Variants in GPATCH1 observed in about 807,000 individuals in gnomAD.
The protein encoded by GPATCH1 is G patch domain-containing protein 1.
A neutral mutation model predicts 114.9 loss-of-function variants in GPATCH1; 73 were observed. That is an observed-to-expected ratio of 0.64 (90% confidence interval 0.53 to 0.77). The LOEUF (loss-of-function observed/expected upper bound fraction) is 0.77. Ranked by LOEUF, GPATCH1 falls within the 30% of genes least tolerant of loss-of-function variation. The pLI, the probability that GPATCH1 is intolerant of heterozygous loss-of-function variation, is 0.00. For synonymous variants in GPATCH1, 391 were observed against 428.4 expected, an observed-to-expected ratio of 0.91 and a Z score of 1.08; for missense variants, 1,058 against 1,144.3, an observed-to-expected ratio of 0.92 and a Z score of 1.09.
At chr19:33,112,110 C>T (rs868196134) in intron 12 of GPATCH1, among the ~76,000 whole-genome samples, 10 of 152,110 alleles carry the variant, frequency 6.6e-5, no homozygotes, top group Middle Eastern at 3.4e-3. Context: ...GGATTACAGG[C>T]GCTCGCCACA....
intron 8 of GPATCH1, among the ~76,000 whole-genome samples, chr19:33,100,891 C>G (rs1422316283): frequency 6.6e-6 from 1 of 151,776 alleles, no homozygotes; most frequent in African/African-American, 2.4e-5. Context: ...AATCAAAGAG[C>G]TTTTGTTGGT....
At chr19:33,125,754 A>G (rs1973034432) in intron 18 of GPATCH1, among the ~76,000 whole-genome samples, 1 of 152,200 alleles carries the variant, frequency 6.6e-6, no homozygotes, top group African/African-American at 2.4e-5. Flanking sequence ...GGTGAATATT[A>G]AATAATAAAA....
At chr19:33,090,166 C>T (rs1045317801) in intron 2 of GPATCH1, among the ~76,000 whole-genome samples, 4 of 152,134 alleles carry the variant, frequency 2.6e-5, no homozygotes, top group African/African-American at 7.2e-5. Flanking sequence ...GGCACATGCT[C>T]GGTAACCGTG....
chr19:33,116,751 G>C (rs1040393818), intron 15 of GPATCH1, among the ~76,000 whole-genome samples: 2 of 152,046 alleles, frequency 1.3e-5, no homozygotes, highest in African/African-American at 4.8e-5. Context: ...GGATGGTCTC[G>C]ATCTCCTGAC....
chr19:33,114,018 C>T lies in GPATCH1; in HGVS notation c.2029+115C>T, dbSNP rs1972889044. 7 of 947,326 alleles carry T rather than the reference C, an allele frequency of 7.4e-6. No homozygotes were observed. The Admixed American group carries it at 1.8e-4, about 24-fold the overall frequency. 58.7% of individuals were successfully genotyped at this position (947,326 alleles called of 1,614,324 possible). ...ACAATGTGAATGGTGCATATTCTCC[C>T]TCCATTGAGGGAATTACTCTTACTA... On this transcript the variant is annotated intron_variant, in intron 14 of 19. Transcript: ENST00000170564.
chr19:33,102,690 C>T (rs769839375), intron 9 of GPATCH1, among the ~76,000 whole-genome samples: 2 of 152,020 alleles, frequency 1.3e-5, no homozygotes, highest in African/African-American at 2.4e-5. Flanking sequence ...CCACCGCGCC[C>T]GGCCGCTAAT....
intron 17 of GPATCH1, among the ~76,000 whole-genome samples, chr19:33,121,035 AAG>A (rs890914485): frequency 2.0e-5 from 3 of 151,914 alleles, no homozygotes; most frequent in Admixed American, 6.6e-5. Context: ...AAAAAAGAAA[AAG>A]AGAAATTAAA....
At chr19:33,090,313 A>G (rs12608825) in intron 2 of GPATCH1, among the ~76,000 whole-genome samples, 63,221 of 151,792 alleles carry the variant, frequency 0.42, 16,599 homozygotes, top group African/African-American at 0.73. Context: ...TCCTTCTGTT[A>G]CTCTCTCTTT....
intron 1 of GPATCH1, among the ~76,000 whole-genome samples, chr19:33,087,786 C>T (rs896075019): frequency 6.6e-6 from 1 of 150,820 alleles, no homozygotes; most frequent in Admixed American, 6.7e-5. Context: ...CGGGTTCAAG[C>T]GATTCTCCTG....
chr19:33,095,656 C>G (rs1456293145), intron 5 of GPATCH1, 106 bp from the exon 6 acceptor site: 6 of 778,120 alleles, frequency 7.7e-6, no homozygotes, highest in African/African-American at 3.4e-5. Context: ...CTCACCTCAG[C>G]CTCCCAGAGT....
chr19:33,126,955 A>AAAAC (rs141950830), intron 19 of GPATCH1, among the ~76,000 whole-genome samples: 18,075 of 151,466 alleles, frequency 0.12, 1,341 homozygotes, highest in Admixed American at 0.27. Context: ...CAGCTCTACA[A>AAAAC]AAACAAACAA....
intron 1 of GPATCH1, among the ~76,000 whole-genome samples, chr19:33,083,390 G>GTT (rs1306773875): frequency 6.7e-6 from 1 of 148,748 alleles, no homozygotes; most frequent in Admixed American, 6.8e-5. Flanking sequence ...CCCCAACCAT[G>GTT]TTTTTGTTTT....
chr19:33,116,871 TG>T (rs956624110), intron 15 of GPATCH1, among the ~76,000 whole-genome samples: 8 of 152,076 alleles, frequency 5.3e-5, no homozygotes, highest in African/African-American at 1.4e-4. Flanking sequence ...CGGGGTTTCG[TG>T]ATTTCTGATG....
intron 1 of GPATCH1, among the ~76,000 whole-genome samples, chr19:33,081,836 G>A (rs573703044): frequency 3.9e-5 from 6 of 151,932 alleles, no homozygotes; most frequent in Admixed American, 1.3e-4. Context: ...GCAGGATTAG[G>A]GTTAGGGTTA....
At chr19:33,125,291 G>A (rs927197195) in intron 18 of GPATCH1, 89 bp downstream of exon 18, 17 of 1,407,488 alleles carry the variant, frequency 1.2e-5, no homozygotes, top group African/African-American at 4.3e-5. Context: ...GCTGAAGAGC[G>A]GATCTGGTGG....
rs1317112901 is a variant in GPATCH1, at chr19:33,117,888, T to C, written c.2260T>C (p.Phe754Leu). ...GEGSRPSMDLFRAIFASSSDE... is the reference protein window; with the variant it reads ...GEGSRPSMDLLRAIFASSSDE... ...AGGGAGCCGCCCATCCATGGACTTA[T>C]TCAGGGCCATCTTTGCCAGTTCCTC... is the stretch of plus-strand genomic sequence containing the variant. Residue 754 changes from phenylalanine (F) to leucine (L), a missense_variant, in exon 16 of 20, where the codon TTC (phenylalanine) becomes CTC (leucine). By Grantham distance (22) the Phe-to-Leu change is conservative (BLOSUM62 0). Coordinates refer to ENST00000170564, the MANE Select transcript of GPATCH1 (RefSeq NM_018025.3). 1 of 1,613,978 alleles carries C rather than the reference T, an allele frequency of 6.2e-7. No homozygotes were observed. Among genetic ancestry groups the C allele is most frequent in the Non-Finnish European group, 8.5e-7 (1 of 1,179,942 alleles).
chr19:33,098,323 A>T (rs1972687471), intron 8 of GPATCH1, among the ~76,000 whole-genome samples: 1 of 152,210 alleles, frequency 6.6e-6, no homozygotes, highest in Non-Finnish European at 1.5e-5. Context: ...CTGCAGCAAG[A>T]TGGAGCTGGG....
chr19:33,107,271 G>A (rs939813376), intron 10 of GPATCH1, among the ~76,000 whole-genome samples: 3 of 152,034 alleles, frequency 2.0e-5, no homozygotes, highest in African/African-American at 7.2e-5. Flanking sequence ...ATAGAGATGA[G>A]GGTCTCACTA....
At chr19:33,114,505 C>G (rs1275062683) in intron 15 of GPATCH1, 86 bp downstream of exon 15, 2 of 1,009,344 alleles carry the variant, frequency 2.0e-6, no homozygotes, top group African/African-American at 3.4e-5. Context: ...CGTGACTCAC[C>G]AGCAGAGGCA....
Sources: allele counts gnomAD v4.1 joint callset (sites outside exome capture counted in the v4.1 genomes callset), GRCh38; gene constraint gnomAD v4.1.1; transcripts MANE v1.5; gene names NCBI Gene and HGNC (gene_info 2026-07-23, HGNC 2026-07-21).